NAALADL2: variants seen among roughly 807,000 people sequenced by gnomAD.
NAALADL2 encodes the protein N-acetylated alpha-linked acidic dipeptidase like 2.
Under a neutral mutation model 87.2 loss-of-function variants are expected in NAALADL2, and 76 were observed. The ratio of observed to expected loss-of-function variants is 0.87; its 90% CI spans 0.72 to 1.05. The LOEUF (loss-of-function observed/expected upper bound fraction) is 1.05. Ranked by LOEUF, NAALADL2 falls within the 50% of genes least tolerant of loss-of-function variation. The pLI, the probability that NAALADL2 is intolerant of heterozygous loss-of-function variation, is 0.00. For missense variants in NAALADL2, 1,089 were observed against 945.8 expected, an observed-to-expected ratio of 1.15 and a Z score of -1.99; for synonymous variants, 354 against 331.0, an observed-to-expected ratio of 1.07 and a Z score of -0.75.
intron 3 of NAALADL2, among the ~76,000 whole-genome samples, chr3:174,795,810 AT>A: frequency 6.6e-6 from 1 of 152,166 alleles, no homozygotes; most frequent in Non-Finnish European, 1.5e-5. Flanking sequence ...TTATGTGCTT[AT>A]TGGTCATTTG....
intron 1 of NAALADL2, among the ~76,000 whole-genome samples, chr3:174,548,658 G>A (rs1382675830): frequency 6.6e-6 from 1 of 152,086 alleles, no homozygotes; most frequent in Non-Finnish European, 1.5e-5. Context: ...GGTGCTAACA[G>A]GATAGAATTG....
chr3:175,364,146 G>C (rs1765312891), intron 5 of NAALADL2, among the ~76,000 whole-genome samples: 1 of 147,878 alleles, frequency 6.8e-6, no homozygotes, highest in African/African-American at 2.5e-5. Flanking sequence ...ATAAATTTCT[G>C]TGTGTGCACA....
rs71872980 is a variant in NAALADL2, at chr3:175,396,538, A to AT, written c.1091-50681dup. 2.5e-4 allele frequency among the ~76,000 whole-genome samples: 37 copies of AT among 150,768 alleles called. No individual in the cohort carries two copies. In the East Asian group the frequency reaches 2.9e-3, roughly 12 times the overall value. Reference sequence around the variant, plus strand: ...GATTGAAGCACACATAACCAAATGGATTTTTTTTTTCCTTGCATTAAGTCC... The same window carrying AT: ...GATTGAAGCACACATAACCAAATGGATTTTTTTTTTTCCTTGCATTAAGTCC... On this transcript the variant is annotated intron_variant, in intron 5 of 13. Transcript: ENST00000454872.
intron 2 of NAALADL2, among the ~76,000 whole-genome samples, chr3:175,179,181 C>T (rs1294945445): frequency 6.6e-6 from 1 of 151,960 alleles, no homozygotes; most frequent in East Asian, 1.9e-4. Flanking sequence ...TAAATCTTCC[C>T]AGTTGTAGTT....
intron 2 of NAALADL2, among the ~76,000 whole-genome samples, chr3:174,675,354 T>A (rs1351324599): frequency 6.6e-6 from 1 of 152,056 alleles, no homozygotes; most frequent in Non-Finnish European, 1.5e-5. Flanking sequence ...CCCTCTGCTT[T>A]ATCCTATGAA....
chr3:174,724,471 T>C (rs960635069), intron 2 of NAALADL2, among the ~76,000 whole-genome samples: 2 of 152,172 alleles, frequency 1.3e-5, no homozygotes, highest in Non-Finnish European at 2.9e-5. Flanking sequence ...TATATTCATA[T>C]GTATTTTGCT....
At chr3:175,731,593 C>A (rs1743758715) in intron 11 of NAALADL2, among the ~76,000 whole-genome samples, 1 of 152,292 alleles carries the variant, frequency 6.6e-6, no homozygotes, top group African/African-American at 2.4e-5. Context: ...TAAGAATATG[C>A]AGTGTGGCTC....
chr3:174,730,052 C>G (rs1033319567), intron 2 of NAALADL2, among the ~76,000 whole-genome samples: 1 of 151,928 alleles, frequency 6.6e-6, no homozygotes, highest in Non-Finnish European at 1.5e-5. Context: ...GTCTAATTTT[C>G]CACTTCTTAA....
chr3:175,324,432 C>A, intron 5 of NAALADL2, 107 bp downstream of exon 5: 1 of 826,218 alleles, frequency 1.2e-6, no homozygotes, highest in Non-Finnish European at 1.8e-6. Flanking sequence ...TAATTCTTAG[C>A]ATCCCATCTT....
At chr3:175,682,850 A>T (rs530660268) in intron 11 of NAALADL2, among the ~76,000 whole-genome samples, 19 of 152,164 alleles carry the variant, frequency 1.2e-4, no homozygotes, top group Non-Finnish European at 2.7e-4. Context: ...AAACATTCTT[A>T]TTCTTTTATA....
At chr3:175,575,539 C>T (rs1718739527) in intron 9 of NAALADL2, among the ~76,000 whole-genome samples, 1 of 152,220 alleles carries the variant, frequency 6.6e-6, no homozygotes, top group Admixed American at 6.5e-5. Flanking sequence ...CCTGCCTCAG[C>T]CTCCCAAAGT....
intron 3 of NAALADL2, among the ~76,000 whole-genome samples, chr3:174,838,224 G>C (rs1264081798): frequency 1.3e-5 from 2 of 152,096 alleles, no homozygotes; most frequent in African/African-American, 4.8e-5. Flanking sequence ...ACCACATAAA[G>C]AGAATTAAAA....
intron 5 of NAALADL2, among the ~76,000 whole-genome samples, chr3:175,366,024 C>T: frequency 1.3e-5 from 1 of 78,870 alleles, no homozygotes; most frequent in Admixed American, 1.8e-4. Context: ...TCCCCCCTCC[C>T]CCCACCCCAG....
At chr3:175,307,900 T>G (rs1757908829) in intron 4 of NAALADL2, among the ~76,000 whole-genome samples, 1 of 152,208 alleles carries the variant, frequency 6.6e-6, no homozygotes, top group African/African-American at 2.4e-5. Flanking sequence ...TACTTTCACT[T>G]TCAAATAAAC....
intron 1 of NAALADL2, among the ~76,000 whole-genome samples, chr3:174,516,448 G>A (rs1002792762): frequency 9.2e-5 from 14 of 151,914 alleles, no homozygotes; most frequent in African/African-American, 1.4e-4. Flanking sequence ...ATTTGTAGAC[G>A]TTCCACTTCT....
At chr3:175,171,705 C>T (rs202080682) in intron 2 of NAALADL2, among the ~76,000 whole-genome samples, 1 of 152,026 alleles carries the variant, frequency 6.6e-6, no homozygotes, top group Non-Finnish European at 1.5e-5. Context: ...GTAGTACATG[C>T]ACACAATGGA....
chr3:175,584,171 G>A (rs992764374), intron 10 of NAALADL2, among the ~76,000 whole-genome samples: 2 of 151,874 alleles, frequency 1.3e-5, no homozygotes, highest in Non-Finnish European at 2.9e-5. Flanking sequence ...CTGAGTAACT[G>A]GGATTACAGG....
chr3:175,533,502 C>T (rs764253816), intron 9 of NAALADL2, among the ~76,000 whole-genome samples: 15 of 152,048 alleles, frequency 9.9e-5, no homozygotes, highest in African/African-American at 3.1e-4. Context: ...CAGCATGGGT[C>T]GGGGAGGGGA....
At chr3:174,704,793 C>A (rs1240824132) in intron 2 of NAALADL2, among the ~76,000 whole-genome samples, 1 of 151,964 alleles carries the variant, frequency 6.6e-6, no homozygotes, top group Non-Finnish European at 1.5e-5. Flanking sequence ...AACAGTAAGT[C>A]CTCTCTTAAC....
Sources: gnomAD v4.1 joint callset for allele counts (sites outside exome capture counted in the v4.1 genomes callset) on GRCh38, gnomAD v4.1.1 for gene constraint, MANE v1.5 for transcripts, NCBI Gene and HGNC (gene_info 2026-07-23, HGNC 2026-07-21) for gene names.